RHPN2: variants seen among roughly 807,000 people sequenced by gnomAD.
The protein encoded by RHPN2 is rhophilin-2.
Under a neutral mutation model 79.0 loss-of-function variants are expected in RHPN2, and 40 were observed. The ratio of observed to expected loss-of-function variants is 0.51; its 90% confidence interval spans 0.39 to 0.66. RHPN2 has a LOEUF of 0.66. RHPN2 is among the 30% of genes least tolerant of loss of function. The pLI, the probability that RHPN2 is intolerant of heterozygous loss-of-function variation, is 0.00. For missense variants in RHPN2, 686 were observed against 883.5 expected, an observed-to-expected ratio of 0.78 and a Z score of 2.83; for synonymous variants, 285 against 363.5, an observed-to-expected ratio of 0.78 and a Z score of 2.46.
At chr19:33,052,815 C>T (rs1210951697) in intron 1 of RHPN2, among the ~76,000 whole-genome samples, 1 of 152,120 alleles carries the variant, frequency 6.6e-6, no homozygotes, top group Non-Finnish European at 1.5e-5. Context: ...CAGCCGCCTC[C>T]CCCGGGAATC....
chr19:33,003,072 T>C (rs1599813624), intron 7 of RHPN2, 72 bp from the exon 8 acceptor site: 10 of 1,429,142 alleles, frequency 7.0e-6, no homozygotes, highest in Admixed American at 1.8e-5. Flanking sequence ...TAGAGAAAGA[T>C]AGGAGGCCGA....
chr19:33,029,527 G>GAAAA (rs374028038), intron 2 of RHPN2, among the ~76,000 whole-genome samples: 15 of 81,184 alleles, frequency 1.8e-4, no homozygotes, highest in South Asian at 7.8e-4. Context: ...CTCTATCTCA[G>GAAAA]AAAAAAAAAA....
At chr19:33,027,359 G>A (rs1320836530) in intron 2 of RHPN2, 1 of 152,104 alleles carries the variant, frequency 6.6e-6, no homozygotes, top group Non-Finnish European at 1.5e-5. Flanking sequence ...AGAAATGGAT[G>A]ATTATAGCTG....
chr19:33,022,002 G>A lies in RHPN2; in HGVS notation c.315-356C>T, dbSNP rs112530022. ...GTCGCCCAGGCTGGAGTGCAATGGC[G>A]CAATCTCAGCTCACTGTAGCCTCTG... On this transcript the variant is annotated intron_variant, in intron 3 of 14. Coordinates refer to ENST00000254260, the MANE Select transcript of RHPN2 (RefSeq NM_033103.5). Among the ~76,000 whole-genome samples the A allele has an allele frequency of 1.1e-3, 168 of 151,916 alleles. 1 individual carries two copies. Among genetic ancestry groups the A allele is most frequent in the African/African-American group, 3.3e-3 (136 of 41,424 alleles).
intron 1 of RHPN2, among the ~76,000 whole-genome samples, chr19:33,053,623 C>T (rs1367965180): frequency 6.6e-6 from 1 of 151,960 alleles, no homozygotes; most frequent in Admixed American, 6.6e-5. Flanking sequence ...GGGGTTTCAC[C>T]ATGTTGGTCA....
At chr19:33,054,011 C>T (rs1329934197) in intron 1 of RHPN2, among the ~76,000 whole-genome samples, 2 of 151,946 alleles carry the variant, frequency 1.3e-5, no homozygotes, top group South Asian at 2.1e-4. Context: ...AGGTCCACAC[C>T]ACCACACTTG....
chr19:33,053,032 T>C (rs999000897), intron 1 of RHPN2, among the ~76,000 whole-genome samples: 5 of 151,722 alleles, frequency 3.3e-5, no homozygotes, highest in Non-Finnish European at 5.9e-5. Context: ...AGTGCAGTGG[T>C]GTGATCTCGG....
In RHPN2 at chr19:33,057,524, T is replaced by A. The variant is rs538862405; in HGVS notation, c.69+7260A>T. On this transcript the variant is annotated intron_variant, in intron 1 of 14. Coordinates refer to ENST00000254260, the MANE Select transcript of RHPN2 (RefSeq NM_033103.5). The stretch of plus-strand genomic sequence containing the variant: ...GGAGAAACTTTGTCTCTACTAAAAA[T>A]ACAAAATTAGCCGGGCATGATGGCA... 7.8e-3 allele frequency among the ~76,000 whole-genome samples: 1,177 copies of A among 150,900 alleles called. 13 individuals carry two copies. Among genetic ancestry groups the A allele is most frequent in the African/African-American group, 0.027 (1,129 of 41,098 alleles).
intron 2 of RHPN2, among the ~76,000 whole-genome samples, chr19:33,042,408 C>T (rs577899910): frequency 6.6e-6 from 1 of 152,278 alleles, no homozygotes; most frequent in East Asian, 1.9e-4. Context: ...TCACGTCACA[C>T]AGATGACATG....
intron 14 of RHPN2, among the ~76,000 whole-genome samples, chr19:32,989,095 C>G (rs1012560785): frequency 6.6e-6 from 1 of 152,044 alleles, no homozygotes; most frequent in Non-Finnish European, 1.5e-5. Flanking sequence ...GGCATGAATC[C>G]TAGCACTTGG....
intron 4 of RHPN2, among the ~76,000 whole-genome samples, chr19:33,013,309 C>T (rs772625883): frequency 1.3e-5 from 2 of 152,100 alleles, no homozygotes; most frequent in Non-Finnish European, 2.9e-5. Context: ...ATTCTCGTGC[C>T]TCAGCCTCCC....
At chr19:33,034,820 C>A in intron 2 of RHPN2, among the ~76,000 whole-genome samples, 1 of 149,558 alleles carries the variant, frequency 6.7e-6, no homozygotes, top group Non-Finnish European at 1.5e-5. Flanking sequence ...ACAAGAAAGC[C>A]AGGTGAAGTG....
intron 1 of RHPN2, among the ~76,000 whole-genome samples, chr19:33,050,030 G>C (rs368547997): frequency 8.5e-4 from 130 of 152,256 alleles, no homozygotes; most frequent in African/African-American, 3.0e-3. Context: ...TGGGGGGCAG[G>C]GGTGTGTGTG....
At chr19:33,035,608 G>A (rs75769171) in intron 2 of RHPN2, among the ~76,000 whole-genome samples, 13 of 152,210 alleles carry the variant, frequency 8.5e-5, no homozygotes, top group Non-Finnish European at 1.5e-4. Context: ...GGTCAGAGGC[G>A]TTCGAAGGAC....
chr19:33,046,735 G>A (rs1359899823), intron 1 of RHPN2, among the ~76,000 whole-genome samples: 2 of 152,164 alleles, frequency 1.3e-5, no homozygotes, highest in Non-Finnish European at 2.9e-5. Flanking sequence ...TTATGTGTGT[G>A]CTGTCTCACA....
At chr19:33,047,351 T>A (rs1032118288) in intron 1 of RHPN2, among the ~76,000 whole-genome samples, 15 of 152,232 alleles carry the variant, frequency 9.9e-5, no homozygotes, top group Admixed American at 6.5e-5. Flanking sequence ...AAATTGTCTG[T>A]GTTCTCTGAC....
At chr19:32,986,654 C>A (rs1194440353) in intron 14 of RHPN2, among the ~76,000 whole-genome samples, 9 of 151,738 alleles carry the variant, frequency 5.9e-5, no homozygotes, top group Non-Finnish European at 1.3e-4. Flanking sequence ...ATTAGCCAGG[C>A]ATAGTGGTGC....
chr19:33,055,841 G>A (rs1972228126), intron 1 of RHPN2, among the ~76,000 whole-genome samples: 1 of 151,938 alleles, frequency 6.6e-6, no homozygotes, highest in African/African-American at 2.4e-5. Flanking sequence ...CAATGAACCC[G>A]GAGGCCCTGT....
chr19:33,064,755 T>TGGGGGGC, intron 1 of RHPN2, 29 bp downstream of exon 1: 19 of 1,427,928 alleles, frequency 1.3e-5, no homozygotes, highest in Non-Finnish European at 1.6e-5. Flanking sequence ...AGCCCGCAGG[T>TGGGGGGC]CCCCGCCCGC....
Sources: gnomAD v4.1 joint callset for allele counts (sites outside exome capture counted in the v4.1 genomes callset) on GRCh38, gnomAD v4.1.1 for gene constraint, MANE v1.5 for transcripts, NCBI Gene and HGNC (gene_info 2026-07-23, HGNC 2026-07-21) for gene names.